Variants in C3orf22 observed in about 807,000 individuals in gnomAD.
The protein encoded by C3orf22 is uncharacterized protein C3orf22.
In C3orf22, 7 loss-of-function variants were observed where a neutral mutation model predicts 10.8. The observed-to-expected ratio is 0.65, with a 90% CI of 0.37 to 1.22. C3orf22 has a LOEUF of 1.22. C3orf22 is among the 50% of genes most tolerant of loss of function. The probability of loss-of-function intolerance (pLI) is 0.02; values close to 1 mark genes in which losing one functional copy is unlikely to be tolerated. For synonymous variants in C3orf22, 79 were observed against 78.9 expected (o/e 1.00, Z 0.00); for missense variants, 173 against 177.0 (o/e 0.98, Z 0.13).
At chr3:126,538,343 G>A (rs1470433950) in intron 4 of C3orf22, among the ~76,000 whole-genome samples, 1 of 152,240 alleles carries the variant, frequency 6.6e-6, no homozygotes, top group East Asian at 1.9e-4. Flanking sequence ...GGGCATCCCA[G>A]GCAGAAAGTG....
intron 4 of C3orf22, chr3:126,542,289 A>T: frequency 6.4e-7 from 1 of 1,566,480 alleles, no homozygotes; most frequent in Non-Finnish European, 8.6e-7. Context: ...TTCAACGAGC[A>T]CTGGGAGCGC....
intron 5 of C3orf22, among the ~76,000 whole-genome samples, chr3:126,528,512 G>A (rs1936580917): frequency 6.6e-6 from 1 of 152,182 alleles, no homozygotes; most frequent in African/African-American, 2.4e-5. Context: ...GAAGCCCTGT[G>A]GGTTTAGAGA....
chr3:126,539,692 AC>A (rs1936889441), intron 4 of C3orf22, among the ~76,000 whole-genome samples: 1 of 118,310 alleles, frequency 8.5e-6, no homozygotes, highest in Admixed American at 8.6e-5. Context: ...CAGACACCAC[AC>A]ACACACCACA....
chr3:126,555,989 C>T (rs948738699), intron 1 of C3orf22, among the ~76,000 whole-genome samples: 10 of 152,236 alleles, frequency 6.6e-5, no homozygotes, highest in African/African-American at 2.2e-4. Flanking sequence ...AGCTCACAGG[C>T]CTGCCAGCCC....
intron 1 of C3orf22, among the ~76,000 whole-genome samples, chr3:126,557,340 C>G (rs1416394336): frequency 6.6e-6 from 1 of 152,232 alleles, no homozygotes; most frequent in African/African-American, 2.4e-5. Flanking sequence ...CCTACTACCA[C>G]ACCTGGCATG....
chr3:126,530,062 C>T (rs892902220), intron 4 of C3orf22, among the ~76,000 whole-genome samples: 1 of 152,186 alleles, frequency 6.6e-6, no homozygotes, highest in Non-Finnish European at 1.5e-5. Context: ...TGGGGCCAGC[C>T]CCCAGCTGGC....
chr3:126,542,078 C>A, intron 4 of C3orf22: 1 of 1,584,230 alleles, frequency 6.3e-7, no homozygotes, highest in Non-Finnish European at 8.5e-7. Flanking sequence ...CGTGCGGGAG[C>A]CCTTCGAGCG....
intron 5 of C3orf22, among the ~76,000 whole-genome samples, chr3:126,528,653 G>A (rs1936583701): frequency 6.6e-6 from 1 of 152,144 alleles, no homozygotes; most frequent in African/African-American, 2.4e-5. Flanking sequence ...AGTGGGGTCC[G>A]GAGGGTTCTG....
intron 4 of C3orf22, among the ~76,000 whole-genome samples, chr3:126,530,190 G>A (rs1404118822): frequency 6.6e-6 from 1 of 152,260 alleles, no homozygotes; most frequent in Non-Finnish European, 1.5e-5. Flanking sequence ...GGGCAGGGTG[G>A]CAGGCAGGGT....
At chr3:126,539,451 CCACAAA>C (rs1936874917) in intron 4 of C3orf22, among the ~76,000 whole-genome samples, 1 of 151,568 alleles carries the variant, frequency 6.6e-6, no homozygotes, top group Non-Finnish European at 1.5e-5. Context: ...ACACACACAA[CCACAAA>C]CACACCACAC....
intron 1 of C3orf22, among the ~76,000 whole-genome samples, chr3:126,554,466 G>C (rs1937279987): frequency 6.6e-6 from 1 of 152,118 alleles, no homozygotes; most frequent in African/African-American, 2.4e-5. Context: ...GTTTCACCAT[G>C]TTGGCCAGGC....
At position 126,550,794 on chromosome 3, in the gene C3orf22, C is replaced by T. The variant is rs529742719; in HGVS notation, c.216-716G>A. Among the ~76,000 whole-genome samples the T allele has an allele frequency of 2.4e-4, 36 of 152,332 alleles. 1 individual carries two copies. In the South Asian group the frequency reaches 7.1e-3, roughly 30 times the overall value. On this transcript the variant is annotated intron_variant, in intron 3 of 3. Transcript: ENST00000318225. ...CCGCTTGGTCCCTGGTCAATTATCT[C>T]TCCCCAGCCTTGGCTCAGCCCACTG... is the stretch of plus-strand genomic sequence containing the variant.
intron 4 of C3orf22, chr3:126,541,823 C>CT (rs1386883192): frequency 6.4e-7 from 1 of 1,566,176 alleles, no homozygotes; most frequent in African/African-American, 1.4e-5. Context: ...GCAGCGCCTG[C>CT]TACAGCCGGA....
chr3:126,556,934 ACACT>A (rs893994552), intron 1 of C3orf22, among the ~76,000 whole-genome samples: 70 of 149,352 alleles, frequency 4.7e-4, no homozygotes, highest in Admixed American at 4.7e-4. Context: ...AGACACATAC[ACACT>A]CACACACTCA....
chr3:126,541,062 C>G (rs1347898707), intron 4 of C3orf22, among the ~76,000 whole-genome samples: 1 of 152,172 alleles, frequency 6.6e-6, no homozygotes, highest in East Asian at 1.9e-4. Context: ...TGGGTCTCTA[C>G]ATGGCTGAGG....
chr3:126,532,347 C>T (rs910000319), intron 4 of C3orf22, among the ~76,000 whole-genome samples: 2 of 152,312 alleles, frequency 1.3e-5, no homozygotes, highest in Admixed American at 6.5e-5. Flanking sequence ...ATCACCTAAT[C>T]CAAGGTCATG....
chr3:126,529,452 G>C, intron 4 of C3orf22: 2 of 1,209,202 alleles, frequency 1.7e-6, no homozygotes, highest in Non-Finnish European at 2.2e-6. Context: ...TAAGGGTGCA[G>C]ATGCTGGCAC....
chr3:126,539,009 C>T (rs77667132), intron 4 of C3orf22, among the ~76,000 whole-genome samples: 4,545 of 152,222 alleles, frequency 0.03, 98 homozygotes, highest in African/African-American at 0.058. Flanking sequence ...ATGCTCTAGG[C>T]GTGTAAGTAG....
intron 4 of C3orf22, among the ~76,000 whole-genome samples, chr3:126,538,135 T>A (rs1936837626): frequency 6.6e-6 from 1 of 152,230 alleles, no homozygotes. Context: ...CATGTGCCTA[T>A]GAGCAACAGC....
Sources: gnomAD v4.1 joint callset for allele counts (sites outside exome capture counted in the v4.1 genomes callset) on GRCh38, gnomAD v4.1.1 for gene constraint, MANE v1.5 for transcripts, NCBI Gene and HGNC (gene_info 2026-07-23, HGNC 2026-07-21) for gene names.